SLC24A2: variants seen among roughly 807,000 people sequenced by gnomAD.
SLC24A2 encodes solute carrier family 24 member 2, also known as sodium/potassium/calcium exchanger 2.
A neutral mutation model predicts 62.0 loss-of-function variants in SLC24A2; 36 were observed. The observed-to-expected ratio is 0.58, with a 90% CI of 0.44 to 0.77. The LOEUF (loss-of-function observed/expected upper bound fraction) is 0.77, where lower values mean the gene tolerates loss of function less well. Among genes scored for constraint, SLC24A2 ranks in the 30% least tolerant of loss-of-function variants. The pLI, the probability that SLC24A2 is intolerant of heterozygous loss-of-function variation, is 0.00. For synonymous variants in SLC24A2, 358 were observed against 294.0 expected (o/e 1.22, Z -2.23); for missense variants, 846 against 817.9 (o/e 1.03, Z -0.42).
chr9:19,964,763 T>C, the SLC24A2 span, among the ~76,000 whole-genome samples: 2 of 152,210 alleles, frequency 1.3e-5, no homozygotes, highest in South Asian at 2.1e-4. Context: ...TTTGTTGGCG[T>C]GAAGCAGCAG....
Position 19,516,353 on chromosome 9 carries a change from C to T in SLC24A2, c.1786G>A (p.Val596Met), listed in dbSNP as rs1249763803. 1.9e-6 allele frequency: 3 copies of T among 1,614,120 alleles called. No individual in the cohort carries two copies. Among genetic ancestry groups the T allele is most frequent in the Admixed American group, 3.3e-5 (2 of 60,016 alleles). ...LYTVIHRFQP[V>M]AVSSNGLFCA... ...AAAAGGCCATTGCTGCTGACAGCCACTGGCTGGAATCTGTGAATGACGGTG... is the reference window on the plus strand; with the variant it reads ...AAAAGGCCATTGCTGCTGACAGCCATTGGCTGGAATCTGTGAATGACGGTG... The change falls in exon 11 of 11, where the codon GTG becomes ATG. Residue 596 changes from valine to methionine, a missense_variant. Transcript: ENST00000341998.
intron 2 of SLC24A2, among the ~76,000 whole-genome samples, chr9:19,777,302 A>C (rs1289150673): frequency 2.0e-5 from 3 of 152,206 alleles, no homozygotes; most frequent in African/African-American, 7.2e-5. Context: ...AAAACAATTA[A>C]TTAAAATGCT....
the SLC24A2 span, among the ~76,000 whole-genome samples, chr9:19,826,034 TCTC>T: frequency 1.3e-5 from 2 of 152,036 alleles, no homozygotes; most frequent in African/African-American, 4.8e-5. Context: ...GAATGACTAT[TCTC>T]CTTGCTCAGG....
chr9:19,572,866 AG>A (rs972003956), intron 7 of SLC24A2, among the ~76,000 whole-genome samples: 5 of 152,230 alleles, frequency 3.3e-5, no homozygotes, highest in Non-Finnish European at 5.9e-5. Flanking sequence ...AGAAAGCCAA[AG>A]GGGGCTCACT....
chr9:20,110,107 C>T, the SLC24A2 span, among the ~76,000 whole-genome samples: 5 of 152,106 alleles, frequency 3.3e-5, no homozygotes, highest in Non-Finnish European at 7.3e-5. Flanking sequence ...GTACTACTCA[C>T]TCATTTCATG....
rs985525536 is a variant in SLC24A2, at chr9:19,547,805, T to G, written c.1479+2332A>C. Among the ~76,000 whole-genome samples the G allele has an allele frequency of 2.6e-5, 4 of 151,388 alleles. No homozygotes were observed. The South Asian group carries it at 6.2e-4, about 24-fold the overall frequency. On this transcript the variant is annotated intron_variant, in intron 8 of 10. Transcript: ENST00000341998. ...TCCTCCCTAGGGCCACACAAAAGCA[T>G]TGGACTAAACAGCAGAGCAAGAGAG...
the SLC24A2 span, among the ~76,000 whole-genome samples, chr9:20,187,280 G>GTT: frequency 6.6e-6 from 1 of 151,730 alleles, no homozygotes; most frequent in African/African-American, 2.4e-5. Flanking sequence ...TAAAAACAAA[G>GTT]TTTTTTTTTA....
chr9:20,238,040 G>A, the SLC24A2 span, among the ~76,000 whole-genome samples: 1 of 152,138 alleles, frequency 6.6e-6, no homozygotes, highest in African/African-American at 2.4e-5. Flanking sequence ...AGTCATCTTG[G>A]CTTCTCAGAA....
chr9:19,765,633 C>T (rs1294297172), intron 2 of SLC24A2, among the ~76,000 whole-genome samples: 1 of 152,212 alleles, frequency 6.6e-6, no homozygotes, highest in East Asian at 1.9e-4. Context: ...CCCCCACTCT[C>T]TTCTGGCTTG....
the SLC24A2 span, among the ~76,000 whole-genome samples, chr9:19,919,579 C>CA: frequency 1.3e-5 from 2 of 151,614 alleles, no homozygotes; most frequent in South Asian, 2.1e-4. Context: ...TCTTTTTTTC[C>CA]AAAAAAGTCT....
the SLC24A2 span, among the ~76,000 whole-genome samples, chr9:20,117,294 G>A: frequency 1.6e-4 from 24 of 152,130 alleles, no homozygotes; most frequent in African/African-American, 5.8e-4. Flanking sequence ...AAGTTGCAAT[G>A]TGGAGGAGGA....
intron 2 of SLC24A2, among the ~76,000 whole-genome samples, chr9:19,688,991 A>G (rs767923239): frequency 3.9e-5 from 6 of 152,180 alleles, no homozygotes; most frequent in Non-Finnish European, 7.4e-5. Flanking sequence ...ACATTTATCA[A>G]AACTCTAAAT....
At chr9:20,136,594 C>T in the SLC24A2 span, among the ~76,000 whole-genome samples, 6 of 152,134 alleles carry the variant, frequency 3.9e-5, no homozygotes, top group South Asian at 2.1e-4. Flanking sequence ...CTTTGCCCCC[C>T]ATACTGAGTG....
At chr9:20,102,503 G>T in the SLC24A2 span, among the ~76,000 whole-genome samples, 1 of 151,354 alleles carries the variant, frequency 6.6e-6, no homozygotes, top group South Asian at 2.1e-4. Flanking sequence ...GGGGTGGGGG[G>T]GGAAGGGGAC....
chr9:19,884,488 A>C, the SLC24A2 span, among the ~76,000 whole-genome samples: 1 of 152,214 alleles, frequency 6.6e-6, no homozygotes, highest in Non-Finnish European at 1.5e-5. Flanking sequence ...TTTAAATTTG[A>C]AAGTTTTTCA....
the SLC24A2 span, among the ~76,000 whole-genome samples, chr9:19,902,082 G>A: frequency 1.3e-5 from 2 of 152,184 alleles, no homozygotes; most frequent in Non-Finnish European, 2.9e-5. Context: ...CTTAGGCCCT[G>A]TTTATAATTT....
intron 8 of SLC24A2, among the ~76,000 whole-genome samples, chr9:19,548,532 C>G (rs1041378625): frequency 3.3e-5 from 5 of 152,276 alleles, no homozygotes; most frequent in Admixed American, 2.6e-4. Context: ...TTGGGAAGGA[C>G]TTTTAGAATA....
the SLC24A2 span, among the ~76,000 whole-genome samples, chr9:19,884,000 C>A: frequency 6.6e-6 from 1 of 152,162 alleles, no homozygotes; most frequent in Non-Finnish European, 1.5e-5. Context: ...TCCTGCTAGA[C>A]TGAAGTGATC....
the SLC24A2 span, among the ~76,000 whole-genome samples, chr9:20,186,132 TGAGCAC>T: frequency 6.6e-6 from 1 of 152,088 alleles, no homozygotes; most frequent in Admixed American, 6.5e-5. Context: ...GAGTCCACTG[TGAGCAC>T]ATAGCGTAAT....
Sources: allele counts gnomAD v4.1 joint callset (sites outside exome capture counted in the v4.1 genomes callset), GRCh38; gene constraint gnomAD v4.1.1; transcripts MANE v1.5; gene names NCBI Gene and HGNC (gene_info 2026-07-23, HGNC 2026-07-21).